The following ENTREP3 variants were observed in gnomAD, a reference collection of about 807,000 sequenced individuals.
ENTREP3 encodes endosomal transmembrane epsin interactor 3.
the ENTREP3 span, among the ~76,000 whole-genome samples, chr1:155,252,220 T>C: frequency 6.6e-6 from 1 of 151,808 alleles, no homozygotes; most frequent in South Asian, 2.1e-4. Context: ...CTTTTTTTTT[T>C]TGAGACAGAG....
At chr1:155,252,711 TATATATATA>T in the ENTREP3 span, 2 of 56,038 alleles carry the variant, frequency 3.6e-5, no homozygotes, top group African/African-American at 9.3e-5. Context: ...TATATATATA[TATATATATA>T]TATTTTTTTT....
chr1:155,248,490 A>G, the ENTREP3 span: 3 of 1,611,084 alleles, frequency 1.9e-6, no homozygotes, highest in African/African-American at 4.0e-5. Flanking sequence ...AGAAGAGAGA[A>G]AGGGAGACAG....
At chr1:155,251,922 C>G in the ENTREP3 span, 14 of 1,422,516 alleles carry the variant, frequency 9.8e-6, no homozygotes, top group African/African-American at 4.4e-5. Flanking sequence ...GGGAAGCGAG[C>G]AGGTCAGCAA....
At chr1:155,247,781 G>A in the ENTREP3 span, 2 of 1,461,004 alleles carry the variant, frequency 1.4e-6, no homozygotes, top group Non-Finnish European at 1.8e-6. Flanking sequence ...AGAAGCCTAG[G>A]TCAGAGCCCA....
At chr1:155,248,326 G>C in the ENTREP3 span, 26 of 1,611,616 alleles carry the variant, frequency 1.6e-5, no homozygotes, top group Admixed American at 5.0e-5. Context: ...AGAGATAAGA[G>C]AATGGTATTG....
At chr1:155,255,232 G>T in the ENTREP3 span, 1 of 376,790 alleles carries the variant, frequency 2.7e-6, no homozygotes, top group African/African-American at 2.0e-5. This position sits in a 1 kb window ranked among gnomAD's most constrained non-coding sequence, Gnocchi z 5.6. Context: ...GGAGCCCAGG[G>T]AGGGGTGGGG....
chr1:155,247,210 A>T, the ENTREP3 span: 1 of 338,564 alleles, frequency 3.0e-6, no homozygotes, highest in South Asian at 2.3e-5. Context: ...GAGAATGATC[A>T]AGAAAACAAG....
At chr1:155,252,684 T>TTG in the ENTREP3 span, 3,711 of 90,798 alleles carry the variant, frequency 0.041, 555 homozygotes, top group African/African-American at 0.099. Context: ...TTTTGTAATT[T>TTG]TGTGTGTATA....
At chr1:155,251,686 C>G in the ENTREP3 span, 1 of 1,609,050 alleles carries the variant, frequency 6.2e-7, no homozygotes. Flanking sequence ...AGGCCCAGCC[C>G]CAGTCCCCTT....
At chr1:155,251,797 G>C in the ENTREP3 span, 1 of 1,590,502 alleles carries the variant, frequency 6.3e-7, no homozygotes, top group Middle Eastern at 1.7e-4. Flanking sequence ...GGGGGCACAG[G>C]CGGGACAAAT....
At chr1:155,250,012 C>T in the ENTREP3 span, among the ~76,000 whole-genome samples, 1 of 151,498 alleles carries the variant, frequency 6.6e-6, no homozygotes. The surrounding 1 kb of genome is among the most constrained non-coding windows in gnomAD (Gnocchi z 5.4). Flanking sequence ...GAGCCAAGAT[C>T]ATGCCACTGC....
the ENTREP3 span, chr1:155,247,829 G>A: frequency 6.7e-7 from 1 of 1,482,176 alleles, no homozygotes; most frequent in African/African-American, 1.4e-5. Flanking sequence ...AGGCTGTGGG[G>A]GCGGGTACCA....
At chr1:155,248,237 CG>C in the ENTREP3 span, 1 of 1,604,426 alleles carries the variant, frequency 6.2e-7, no homozygotes, top group Non-Finnish European at 8.5e-7. Flanking sequence ...CTCGGCTGAC[CG>C]GGCACGTAGC....
At chr1:155,248,963 G>T in the ENTREP3 span, among the ~76,000 whole-genome samples, 7 of 151,402 alleles carry the variant, frequency 4.6e-5, no homozygotes, top group Non-Finnish European at 1.0e-4. Flanking sequence ...TGATCCACCT[G>T]CCTTGGCCTC....
At chr1:155,253,424 A>G in the ENTREP3 span, 2 of 579,906 alleles carry the variant, frequency 3.4e-6, 1 homozygote, top group South Asian at 4.4e-5. Context: ...AGCATCACAT[A>G]CTTAACTCAC....
chr1:155,249,695 C>T, the ENTREP3 span, among the ~76,000 whole-genome samples: 1 of 151,890 alleles, frequency 6.6e-6, no homozygotes, highest in Non-Finnish European at 1.5e-5. Flanking sequence ...CTGGATAACA[C>T]GGTGAAACCC....
chr1:155,248,498 C>A, the ENTREP3 span: 1 of 1,607,922 alleles, frequency 6.2e-7, no homozygotes, highest in Middle Eastern at 1.7e-4. Context: ...GAAAGGGAGA[C>A]AGGGAGTGAG....
chr1:155,254,290 A>T, the ENTREP3 span: 2 of 1,502,082 alleles, frequency 1.3e-6, no homozygotes, highest in African/African-American at 2.8e-5. This position sits in a 1 kb window ranked among gnomAD's most constrained non-coding sequence, Gnocchi z 4.4. Context: ...CTTCGTGCCC[A>T]CCCGGCTGGC....
the ENTREP3 span, chr1:155,253,833 A>G: frequency 6.2e-7 from 1 of 1,611,634 alleles, no homozygotes; most frequent in Non-Finnish European, 8.5e-7. Context: ...GAGAACCAGG[A>G]GGATGTTTGC....
Sources: allele counts gnomAD v4.1 joint callset (sites outside exome capture counted in the v4.1 genomes callset), GRCh38; gene constraint gnomAD v4.1.1; non-coding constraint Gnocchi (gnomAD v3.1); transcripts MANE v1.5; gene names NCBI Gene and HGNC (gene_info 2026-07-23, HGNC 2026-07-21).